Variants in TRDN observed in about 807,000 individuals in gnomAD.
TRDN encodes triadin in skeletal muscle.
Under a neutral mutation model 149.7 loss-of-function variants are expected in TRDN, and 161 were observed. That is an observed-to-expected ratio of 1.08 (90% confidence interval 0.95 to 1.23). TRDN has a LOEUF of 1.23. TRDN is among the 50% of genes most tolerant of loss of function. TRDN has a pLI of 0.00. For missense variants in TRDN, 896 were observed against 823.5 expected (o/e 1.09, Z -1.08); for synonymous variants, 294 against 250.5 (o/e 1.17, Z -1.64).
At chr6:123,528,961 G>T (rs1294875078) in intron 5 of TRDN, 2 of 1,220,030 alleles carry the variant, frequency 1.6e-6, no homozygotes, top group East Asian at 7.4e-5. Context: ...CAGTCTTTGA[G>T]AAATTTATTT....
chr6:123,232,917 C>G (rs1340773505), intron 38 of TRDN, among the ~76,000 whole-genome samples: 2 of 151,988 alleles, frequency 1.3e-5, no homozygotes, highest in Non-Finnish European at 2.9e-5. Flanking sequence ...TGTACCAGCT[C>G]AGTTACTCTA....
intron 24 of TRDN, among the ~76,000 whole-genome samples, chr6:123,280,426 C>T (rs1285871205): frequency 6.6e-6 from 1 of 152,078 alleles, no homozygotes; most frequent in Non-Finnish European, 1.5e-5. Flanking sequence ...TTTTTCCATT[C>T]CACGTAAACT....
rs968869645 is a variant in TRDN, at chr6:123,623,172, CT to C, written c.22+13581del. On this transcript the variant is annotated intron_variant, in intron 1 of 40. Coordinates refer to ENST00000334268, the MANE Select transcript of TRDN (RefSeq NM_006073.4). ...CCCTGTATTTCCCTGAGGTTATTGT[CT>C]TTTTTTTTCCCTTTCTATTATAGAA... Among the ~76,000 whole-genome samples, 374 of 151,386 alleles carry C rather than the reference CT, an allele frequency of 2.5e-3. 1 individual carries two copies. The highest frequency in any genetic ancestry group is 8.0e-3 in the African/African-American group (330 of 41,320).
intron 13 of TRDN, among the ~76,000 whole-genome samples, chr6:123,393,178 T>C (rs375223723): frequency 1.3e-5 from 2 of 152,190 alleles, no homozygotes; most frequent in African/African-American, 4.8e-5. Flanking sequence ...TTTGTAGCCA[T>C]ATCTGGAACC....
rs184297914 is a variant in TRDN at position 123,578,045 on chromosome 6, T to C, written c.23-6913A>G. 1.5e-3 allele frequency among the ~76,000 whole-genome samples: 201 copies of C among 130,712 alleles called. 2 individuals carry two copies. The East Asian group carries it at 0.036, about 23-fold the overall frequency. 85.8% of individuals were successfully genotyped at this position (130,712 alleles called of 152,430 possible). ...TGCTGGATATTGGACCTTTGTCAGA[T>C]ACATAGTTTGCAAAAATTTTCTTCC... On this transcript the variant is annotated intron_variant, in intron 1 of 40. Coordinates refer to ENST00000334268, the MANE Select transcript of TRDN (RefSeq NM_006073.4).
rs1476053736 is a variant in TRDN at position 123,217,393 on chromosome 6, A to T, written c.*1208T>A. 6.6e-6 allele frequency: 1 copy of T among 151,960 alleles called. No homozygotes were observed. The highest frequency in any genetic ancestry group is 1.9e-4 in the East Asian group (1 of 5,162). The allele number at this position is 151,960 out of a possible 1,614,324, so 9.4% of individuals were successfully genotyped here. On this transcript the variant is annotated 3_prime_UTR_variant, in exon 41 of 41. Coordinates refer to ENST00000334268, the MANE Select transcript of TRDN (RefSeq NM_006073.4). ...AAAGGATAACTCAATTTATTTCCTG[A>T]GTTAATTTGTCATAAGTTCAGTTGC... is the stretch of plus-strand genomic sequence containing the variant.
chr6:123,325,421 C>T (rs9490731), intron 23 of TRDN, among the ~76,000 whole-genome samples: 22,696 of 151,946 alleles, frequency 0.15, 1,808 homozygotes, highest in South Asian at 0.22. Context: ...ATTCTAGACC[C>T]AGTATTAGAC....
rs115634176 is a variant in TRDN, at chr6:123,520,734, G to C, written c.485-4528C>G. 4.9e-3 allele frequency among the ~76,000 whole-genome samples: 750 copies of C among 152,102 alleles called. 7 individuals are homozygous for C. The highest frequency in any genetic ancestry group is 0.017 in the African/African-American group (711 of 41,500). On this transcript the variant is annotated intron_variant, in intron 5 of 40. Transcript: ENST00000334268. ...TGTATGGACAATTTCCCCTTCTCCT[G>C]GGGCTACATAGCCATAGTAAGAACT... is the stretch of plus-strand genomic sequence containing the variant.
At chr6:123,285,952 C>T (rs939965116) in intron 24 of TRDN, among the ~76,000 whole-genome samples, 3 of 151,938 alleles carry the variant, frequency 2.0e-5, no homozygotes, top group African/African-American at 7.2e-5. Context: ...ATCAGGGAAA[C>T]ACAAATCAAA....
At chr6:123,343,761 C>T (rs1340777845) in intron 21 of TRDN, among the ~76,000 whole-genome samples, 1 of 151,818 alleles carries the variant, frequency 6.6e-6, no homozygotes, top group African/African-American at 2.4e-5. Context: ...AATTAATAGA[C>T]CTTAATTTTT....
chr6:123,294,265 A>C (rs777108624), intron 24 of TRDN, among the ~76,000 whole-genome samples: 2 of 152,170 alleles, frequency 1.3e-5, no homozygotes, highest in Non-Finnish European at 2.9e-5. Flanking sequence ...CACTGACCCC[A>C]GCTATATCTG....
chr6:123,240,031 C>G (rs1775930384), intron 38 of TRDN, among the ~76,000 whole-genome samples: 2 of 151,830 alleles, frequency 1.3e-5, no homozygotes, highest in African/African-American at 4.8e-5. Context: ...AGAGTATGTT[C>G]TACAATGTGC....
chr6:123,234,507 C>T (rs1386121565), intron 38 of TRDN, among the ~76,000 whole-genome samples: 1 of 152,060 alleles, frequency 6.6e-6, no homozygotes, highest in Non-Finnish European at 1.5e-5. Context: ...TGTGATGAAG[C>T]ACTCGCTAAA....
chr6:123,296,250 G>A (rs1316560942), intron 24 of TRDN, among the ~76,000 whole-genome samples: 2 of 152,086 alleles, frequency 1.3e-5, no homozygotes, highest in Admixed American at 1.3e-4. Context: ...ATATATCTAT[G>A]CCTACCACTA....
chr6:123,457,533 G>C (rs939665620), intron 10 of TRDN: 15 of 433,108 alleles, frequency 3.5e-5, no homozygotes, highest in Non-Finnish European at 6.4e-5. Context: ...AATTCATGGG[G>C]AACTCTCATT....
chr6:123,633,137 G>A (rs542072140), intron 1 of TRDN, among the ~76,000 whole-genome samples: 1 of 152,030 alleles, frequency 6.6e-6, no homozygotes, highest in Non-Finnish European at 1.5e-5. Context: ...TAAATAAAAA[G>A]CTTTCTTGAA....
At chr6:123,395,399 A>C (rs1014469531) in intron 12 of TRDN, among the ~76,000 whole-genome samples, 4 of 152,086 alleles carry the variant, frequency 2.6e-5, no homozygotes, top group Non-Finnish European at 5.9e-5. Flanking sequence ...TCAGGTTCAG[A>C]AACATGCCCC....
At chr6:123,612,757 T>C (rs2114684286) in intron 1 of TRDN, among the ~76,000 whole-genome samples, 1 of 152,270 alleles carries the variant, frequency 6.6e-6, no homozygotes, top group Non-Finnish European at 1.5e-5. Flanking sequence ...CTAAGGAAAA[T>C]ATTGAGTACC....
chr6:123,251,037 T>A (rs1045390953), intron 38 of TRDN, among the ~76,000 whole-genome samples: 1 of 152,156 alleles, frequency 6.6e-6, no homozygotes, highest in Non-Finnish European at 1.5e-5. Context: ...TACCTCCTTA[T>A]GTAGTCAGCT....
Sources: gnomAD v4.1 joint callset for allele counts (sites outside exome capture counted in the v4.1 genomes callset) on GRCh38, gnomAD v4.1.1 for gene constraint, MANE v1.5 for transcripts, NCBI Gene and HGNC (gene_info 2026-07-23, HGNC 2026-07-21) for gene names.